MEGF11: variants seen among roughly 807,000 people sequenced by gnomAD.
MEGF11 encodes the protein multiple EGF like domains 11, also known as multiple epidermal growth factor-like domains protein 11.
Under a neutral mutation model 146.6 loss-of-function variants are expected in MEGF11, and 126 were observed. The ratio of observed to expected loss-of-function variants is 0.86; its 90% CI spans 0.74 to 1.00. The LOEUF (loss-of-function observed/expected upper bound fraction) is 1.00, where lower values mean the gene tolerates loss of function less well. MEGF11 is among the 50% of genes least tolerant of loss of function. The pLI is 0.00. For missense variants in MEGF11, 1,509 were observed against 1,521.2 expected, an observed-to-expected ratio of 0.99 and a Z score of 0.13; for synonymous variants, 532 against 583.4, an observed-to-expected ratio of 0.91 and a Z score of 1.27.
chr15:66,182,471 C>G (rs1370960981), intron 1 of MEGF11, among the ~76,000 whole-genome samples: 1 of 152,202 alleles, frequency 6.6e-6, no homozygotes, highest in Non-Finnish European at 1.5e-5. Flanking sequence ...GGAGTAAGAA[C>G]TGTCACTTCC....
intron 24 of MEGF11, among the ~76,000 whole-genome samples, chr15:65,901,154 T>C (rs575931807): frequency 4.6e-4 from 70 of 152,298 alleles, no homozygotes; most frequent in African/African-American, 1.5e-3. Context: ...CTTAGTTTTT[T>C]AGTACAAGGA....
chr15:65,952,446 G>T (rs2080441618), intron 10 of MEGF11, among the ~76,000 whole-genome samples: 2 of 152,160 alleles, frequency 1.3e-5, no homozygotes, highest in Non-Finnish European at 2.9e-5. Flanking sequence ...TGTGAAGAAA[G>T]GTCCTCACCT....
intron 1 of MEGF11, among the ~76,000 whole-genome samples, chr15:66,253,256 A>G (rs140662219): frequency 2.0e-5 from 3 of 152,116 alleles, no homozygotes; most frequent in Non-Finnish European, 4.4e-5. Flanking sequence ...CCTCCCCGGG[A>G]CACCCGCGCC....
At chr15:65,953,642 C>T (rs2141460526) in intron 10 of MEGF11, among the ~76,000 whole-genome samples, 1 of 152,314 alleles carries the variant, frequency 6.6e-6, no homozygotes. Flanking sequence ...AGTCTTTCCA[C>T]ATCCCCACCT....
intron 8 of MEGF11, 144 bp from the exon 9 acceptor site, chr15:65,965,264 C>T (rs1029387540): frequency 4.9e-6 from 3 of 618,048 alleles, no homozygotes; most frequent in Admixed American, 3.4e-5. Context: ...CCTTTTCTCT[C>T]TCCTCCTCCA....
chr15:66,187,975 G>A (rs1863771052), intron 1 of MEGF11, among the ~76,000 whole-genome samples: 2 of 152,210 alleles, frequency 1.3e-5, no homozygotes, highest in Non-Finnish European at 2.9e-5. Flanking sequence ...AGCAGTTCAA[G>A]TATACACGCA....
chr15:66,012,839 C>G (rs1039538875), intron 5 of MEGF11, among the ~76,000 whole-genome samples: 12 of 152,206 alleles, frequency 7.9e-5, no homozygotes, highest in Non-Finnish European at 1.8e-4. Context: ...CCATCCCAGA[C>G]TTTGCCAGCT....
chr15:65,980,369 G>T (rs978604902), intron 7 of MEGF11, among the ~76,000 whole-genome samples: 1 of 144,160 alleles, frequency 6.9e-6, no homozygotes, highest in Non-Finnish European at 1.5e-5. Flanking sequence ...AGGAGGGAGG[G>T]TATTCAGAGT....
At chr15:66,077,775 C>T (rs932058313) in intron 5 of MEGF11, among the ~76,000 whole-genome samples, 2 of 152,186 alleles carry the variant, frequency 1.3e-5, no homozygotes, top group African/African-American at 4.8e-5. Flanking sequence ...AGTCGAGGCC[C>T]CTGGGAATCA....
At chr15:66,119,011 C>A in intron 4 of MEGF11, 75 bp downstream of exon 4, 1 of 945,438 alleles carries the variant, frequency 1.1e-6, no homozygotes, top group Non-Finnish European at 1.6e-6. Flanking sequence ...ATCAGCCCCA[C>A]CTCCCCTCCC....
At chr15:65,905,080 A>T (rs2078587073) in intron 24 of MEGF11, among the ~76,000 whole-genome samples, 1 of 152,160 alleles carries the variant, frequency 6.6e-6, no homozygotes, top group Non-Finnish European at 1.5e-5. Flanking sequence ...TTTAGTAGAG[A>T]CAGGGTTTTG....
At chr15:66,163,243 G>A (rs530648951) in intron 1 of MEGF11, among the ~76,000 whole-genome samples, 18 of 152,318 alleles carry the variant, frequency 1.2e-4, no homozygotes, top group African/African-American at 4.1e-4. Context: ...TTGTTCTATA[G>A]AACTGATTTG....
At position 66,253,591 on chromosome 15, in the gene MEGF11, A is replaced by T. The variant is rs1346433474; in HGVS notation, c.-9+14T>A. Reference sequence around the variant, plus strand: ...GAGACTCCGCGTCCTCGCGGTCCCCACTCAGCCACCTACCTGCTCCCGCGG... The same window carrying T: ...GAGACTCCGCGTCCTCGCGGTCCCCTCTCAGCCACCTACCTGCTCCCGCGG... On this transcript the variant is annotated intron_variant, in intron 1 of 25. Coordinates refer to ENST00000395614, the MANE Select transcript of MEGF11 (RefSeq NM_001385028.1). 3 of 129,448 alleles carry T rather than the reference A, an allele frequency of 2.3e-5. No homozygotes were observed. In the Admixed American group the frequency reaches 2.5e-4, roughly 11 times the overall value. 8.0% of individuals were successfully genotyped at this position (129,448 alleles called of 1,614,324 possible).
At chr15:65,976,971 C>T (rs905673360) in intron 7 of MEGF11, among the ~76,000 whole-genome samples, 3 of 151,996 alleles carry the variant, frequency 2.0e-5, no homozygotes, top group Non-Finnish European at 1.5e-5. Context: ...AGATCGAGAC[C>T]GTCCTGTCTA....
Position 66,100,274 on chromosome 15 carries a change from G to T in MEGF11, c.302-5780C>A, listed in dbSNP as rs1328322091. On this transcript the variant is annotated intron_variant, in intron 4 of 25. Coordinates refer to ENST00000395614, the MANE Select transcript of MEGF11 (RefSeq NM_001385028.1). ...GGGCCAGGCCTTGCCCTGCCTCCTGGTCTTCTGGGCGGTGAATCCTCCCCC... is the reference window on the plus strand; with the variant it reads ...GGGCCAGGCCTTGCCCTGCCTCCTGTTCTTCTGGGCGGTGAATCCTCCCCC... Among the ~76,000 whole-genome samples the T allele has an allele frequency of 1.1e-4, 16 of 152,306 alleles. 1 individual carries two copies. The highest frequency in any genetic ancestry group is 9.6e-4 in the East Asian group (5 of 5,182).
chr15:66,229,213 A>C (rs2091913665), intron 1 of MEGF11, among the ~76,000 whole-genome samples: 1 of 152,034 alleles, frequency 6.6e-6, no homozygotes, highest in Non-Finnish European at 1.5e-5. Context: ...TCAAGCAGAA[A>C]CAAATTTTGG....
intron 10 of MEGF11, among the ~76,000 whole-genome samples, chr15:65,933,269 A>G (rs1164393010): frequency 1.3e-5 from 2 of 152,236 alleles, no homozygotes; most frequent in Non-Finnish European, 2.9e-5. Context: ...TAAATAGCAC[A>G]TAAGAATCTG....
At chr15:66,151,318 A>T (rs141451488) in intron 1 of MEGF11, among the ~76,000 whole-genome samples, 255 of 152,202 alleles carry the variant, frequency 1.7e-3, no homozygotes, top group African/African-American at 6.1e-3. Context: ...CACACAAACG[A>T]TCCCTGCCTT....
chr15:66,094,629 GGGAAA>G, intron 4 of MEGF11, 135 bp from the exon 5 acceptor site: 3 of 690,246 alleles, frequency 4.3e-6, no homozygotes, highest in Admixed American at 2.6e-5. Flanking sequence ...TGGCTTGGGG[GGGAAA>G]ATCAAGCTAC....
Sources: allele counts gnomAD v4.1 joint callset (sites outside exome capture counted in the v4.1 genomes callset), GRCh38; gene constraint gnomAD v4.1.1; transcripts MANE v1.5; gene names NCBI Gene and HGNC (gene_info 2026-07-23, HGNC 2026-07-21).